DMBT1: variants seen among roughly 807,000 people sequenced by gnomAD.
DMBT1 encodes scavenger receptor cysteine-rich domain-containing protein DMBT1.
A neutral mutation model predicts 252.9 loss-of-function variants in DMBT1; 198 were observed. That is an observed-to-expected ratio of 0.78 (90% CI 0.70 to 0.88). The LOEUF is 0.88. Among genes scored for constraint, DMBT1 ranks in the 40% least tolerant of loss-of-function variants. The pLI is 0.00. For missense variants in DMBT1, 2,432 were observed against 2,404.7 expected (o/e 1.01, Z -0.24); for synonymous variants, 990 against 942.7 (o/e 1.05, Z -0.92).
Position 122,584,500 on chromosome 10 carries a change from C to T in DMBT1, c.1420+149C>T, listed in dbSNP as rs925962695. On this transcript the variant is annotated intron_variant, in intron 14 of 55. Coordinates refer to ENST00000338354, the MANE Select transcript of DMBT1 (RefSeq NM_001377530.1). ...CTCTGTAACTGAGACCCTGGAATGG[C>T]GCTTCTGAACCAGACATAGGGTTCA... 1.8e-4 allele frequency: 85 copies of T among 460,054 alleles called. 5 individuals carry two copies. The highest frequency in any genetic ancestry group is 1.8e-3 in the South Asian group (60 of 34,034). 28.5% of individuals were successfully genotyped at this position (460,054 alleles called of 1,614,324 possible).
chr10:122,566,835 C>T (rs78739566), intron 2 of DMBT1, among the ~76,000 whole-genome samples: 8,737 of 152,186 alleles, frequency 0.057, 781 homozygotes, highest in African/African-American at 0.19. Flanking sequence ...GTAAGTAATA[C>T]GATTATACCC....
chr10:122,564,486 C>G (rs1298982684), intron 1 of DMBT1, among the ~76,000 whole-genome samples: 1 of 146,500 alleles, frequency 6.8e-6, no homozygotes, highest in Non-Finnish European at 1.5e-5. Flanking sequence ...CTTAATCCTC[C>G]TTTTACCAGG....
At chr10:122,634,684 A>T (rs2098211978) in intron 52 of DMBT1, among the ~76,000 whole-genome samples, 1 of 151,824 alleles carries the variant, frequency 6.6e-6, no homozygotes, top group Non-Finnish European at 1.5e-5. Flanking sequence ...TTTATTAGAG[A>T]CGGGGTTTCA....
At chr10:122,620,119 G>A in intron 42 of DMBT1, 134 bp from the exon 43 acceptor site, 1 of 897,678 alleles carries the variant, frequency 1.1e-6, no homozygotes, top group South Asian at 1.4e-5. Context: ...TGAAGACTTG[G>A]GTAGCACTTG....
In DMBT1 at chr10:122,573,224, C is replaced by T. The variant is rs191561003; in HGVS notation, c.236-491C>T. Among the ~76,000 whole-genome samples the T allele has an allele frequency of 8.1e-4, 123 of 152,332 alleles. 3 individuals are homozygous for T. In the East Asian group the frequency reaches 0.018, roughly 22 times the overall value. On this transcript the variant is annotated intron_variant, in intron 5 of 55. Coordinates refer to ENST00000338354, the MANE Select transcript of DMBT1 (RefSeq NM_001377530.1). ...TCCAACCACCAAGTGGGACTGGGCT[C>T]CCCAAGGGGGCATCGTCCTCCATGC...
chr10:122,574,497 G>T (rs2981807), intron 6 of DMBT1, among the ~76,000 whole-genome samples: 1 of 151,920 alleles, frequency 6.6e-6, no homozygotes, highest in Non-Finnish European at 1.5e-5. Context: ...TCCTCAGGTC[G>T]TCTTCTTTCT....
Position 122,589,115 on chromosome 10 carries a change from C to G in DMBT1, c.1955C>G (p.Pro652Arg). 1 of 1,588,532 alleles carries G rather than the reference C, an allele frequency of 6.3e-7. No individual in the cohort carries two copies. Among genetic ancestry groups the G allele is most frequent in the South Asian group, 1.2e-5 (1 of 86,908 alleles). ...GGCTGTGGCTGGGCCACGTCAGCCC[C>G]AGGAAATGCCCGGTTTGGTCAGGGC... ...QLGCGWATSA[P>R]GNARFGQGSG... is the part of the protein sequence containing the mutation. Residue 652 changes from proline to arginine, a missense_variant, in exon 17 of 56, where the codon CCA (proline) becomes CGA (arginine). Around this residue, in one of 3 missense-constraint regions of DMBT1, gnomAD observed 1,264 missense variants for 1,082.2 expected, o/e 1.17. Transcript: ENST00000338354.
chr10:122,618,295 T>G lies in DMBT1; in HGVS notation c.5170T>G (p.Ser1724Ala). 6.2e-7 allele frequency: 1 copy of G among 1,613,842 alleles called. No homozygotes were observed. The highest frequency in any genetic ancestry group is 8.5e-7 in the Non-Finnish European group (1 of 1,179,786). The change falls in exon 41 of 56, where the codon TCC becomes GCC. Residue 1724 changes from serine (S) to alanine (A), a missense_variant. By Grantham distance (99) the Ser-to-Ala change is moderately conservative. Around this residue, in one of 3 missense-constraint regions of DMBT1, gnomAD observed 1,162 missense variants for 1,169.0 expected, o/e 0.99. Transcript: ENST00000338354. ...LWSCPHNGWLSHNCGHHEDAG... is the reference protein window; with the variant it reads ...LWSCPHNGWLAHNCGHHEDAG... ...GAGCTGCCCCCACAATGGCTGGCTC[T>G]CCCACAACTGTGGCCATCATGAAGA...
At chr10:122,585,171 G>A (rs2097778716) in intron 14 of DMBT1, 100 bp from the exon 15 acceptor site, 4 of 1,423,550 alleles carry the variant, frequency 2.8e-6, no homozygotes, top group East Asian at 2.5e-5. Flanking sequence ...AATCAGAAGT[G>A]GGGTAGTTTT....
In DMBT1 at chr10:122,589,050, C is replaced by A. The variant is rs1320198966; in HGVS notation, c.1890C>A (p.Ser630Arg). Reference sequence around the variant, plus strand: ...CTTGGGGCACCGTGTGTGATGACAGCTGGGACACCAATGATGCCAATGTGG... The same window carrying A: ...CTTGGGGCACCGTGTGTGATGACAGATGGGACACCAATGATGCCAATGTGG... Reference protein sequence around the residue: ...RGSWGTVCDDSWDTNDANVVC... With the variant: ...RGSWGTVCDDRWDTNDANVVC... Residue 630 changes from serine (S) to arginine (R), a missense_variant, in exon 17 of 56, where the codon AGC becomes AGA. Physicochemically the swap from Ser to Arg is moderately radical, Grantham distance 110. Transcript: ENST00000338354. 6.3e-7 allele frequency: 1 copy of A among 1,588,896 alleles called. No homozygotes were observed. The highest frequency in any genetic ancestry group is 8.6e-7 in the Non-Finnish European group (1 of 1,165,976).
At chr10:122,566,669 A>C (rs2097596213) in intron 2 of DMBT1, among the ~76,000 whole-genome samples, 1 of 152,146 alleles carries the variant, frequency 6.6e-6, no homozygotes, top group Non-Finnish European at 1.5e-5. Flanking sequence ...TCTACCAAGC[A>C]CTTGTTATAT....
chr10:122,642,983 G>A (rs1844841311), intron 55 of DMBT1, 139 bp from the exon 56 acceptor site: 19 of 1,177,914 alleles, frequency 1.6e-5, no homozygotes, highest in East Asian at 7.1e-5. Flanking sequence ...TGATCCACAC[G>A]TTCTGACAGA....
At chr10:122,637,884 GC>G (rs2133694714) in intron 54 of DMBT1, among the ~76,000 whole-genome samples, 1 of 152,240 alleles carries the variant, frequency 6.6e-6, no homozygotes, top group African/African-American at 2.4e-5. Flanking sequence ...ATCTAAGATG[GC>G]CCCCTGCATC....
Position 122,585,316 on chromosome 10 carries a change from A to T in DMBT1, c.1459+7A>T, listed in dbSNP as rs187566620. 4.4e-4 allele frequency: 690 copies of T among 1,585,516 alleles called. 62 individuals carry two copies. The African/African-American group carries it at 5.6e-3, about 13-fold the overall frequency. On this transcript the variant is annotated splice_region_variant and intron_variant, in intron 15 of 55. Coordinates refer to ENST00000338354, the MANE Select transcript of DMBT1 (RefSeq NM_001377530.1). ...TTACCTGCATCGACAGTAGGTAAAT[A>T]ATCCTCTCGCCCCTCCCTAGGGCTC...
At position 122,591,490 on chromosome 10, in the gene DMBT1, A is replaced by T. The variant is rs747139766; in HGVS notation, c.2149A>T (p.Thr717Ser). Residue 717 changes from threonine to serine, a missense_variant, in exon 19 of 56, where the codon ACC (threonine) becomes TCC (serine). Transcript: ENST00000338354. ...RSTPRPDTLSTITLPPSTVGS... is the reference protein window; with the variant it reads ...RSTPRPDTLSSITLPPSTVGS... ...GTTGCAATTTACAGACACGTTGTCG[A>T]CCATCACGTTACCTCCATCGACAGT... 8 of 1,587,650 alleles carry T rather than the reference A, an allele frequency of 5.0e-6. 1 individual carries two copies. The South Asian group carries it at 9.2e-5, about 18-fold the overall frequency.
intron 8 of DMBT1, 111 bp from the exon 9 acceptor site, chr10:122,578,607 C>A (rs983853366): frequency 3.2e-6 from 3 of 942,326 alleles, no homozygotes; most frequent in Non-Finnish European, 5.0e-6. Flanking sequence ...AGTGGCCAGA[C>A]CTTCGAGTGG....
At position 122,631,036 on chromosome 10, in the gene DMBT1, G is replaced by T; in HGVS notation, c.6101G>T (p.Gly2034Val). 1 of 1,613,574 alleles carries T rather than the reference G, an allele frequency of 6.2e-7. No homozygotes were observed. The highest frequency in any genetic ancestry group is 2.2e-5 in the East Asian group (1 of 44,862). ...GGGCGTGTAGAAATTTACCATGGTGGCACCTGGGGGACAGTTTGTGATGAC... is the reference window on the plus strand; with the variant it reads ...GGGCGTGTAGAAATTTACCATGGTGTCACCTGGGGGACAGTTTGTGATGAC... ...CAGRVEIYHGGTWGTVCDDSW... is the reference protein window; with the variant it reads ...CAGRVEIYHGVTWGTVCDDSW... The change falls in exon 49 of 56, where the codon GGC (glycine) becomes GTC (valine). Residue 2034 changes from glycine to valine, a missense_variant. Physicochemically the swap from Gly to Val is moderately radical, Grantham distance 109. Around this residue, in one of 3 missense-constraint regions of DMBT1, gnomAD observed 1,162 missense variants for 1,169.0 expected, o/e 0.99. Coordinates refer to ENST00000338354, the MANE Select transcript of DMBT1 (RefSeq NM_001377530.1).
Position 122,643,364 on chromosome 10 carries a change from A to T in DMBT1, c.7595A>T (p.Gln2532Leu). 1.9e-6 allele frequency: 3 copies of T among 1,613,850 alleles called. No individual in the cohort carries two copies. The highest frequency in any genetic ancestry group is 2.5e-6 in the Non-Finnish European group (3 of 1,179,842). ...GTCGTCCTGGGTCCCATCCAGCTGC[A>T]GACCCCCCCACGCCGAGAAGAGGAG... ...VDVVLGPIQL[Q>L]TPPRREEEPR Residue 2532 changes from glutamine to leucine, a missense_variant, in exon 56 of 56, where the codon CAG becomes CTG. By Grantham distance (113) the Gln-to-Leu change is moderately radical (BLOSUM62 -2). This residue lies in a region of DMBT1 where 1,162 missense variants were observed against 1,169.0 expected (regional missense o/e 0.99). Transcript: ENST00000338354.
chr10:122,620,668 C>A (rs543411666), intron 43 of DMBT1, among the ~76,000 whole-genome samples: 1 of 152,228 alleles, frequency 6.6e-6, no homozygotes, highest in Non-Finnish European at 1.5e-5. Context: ...TCCTACCATT[C>A]CTGGCACTTT....
Sources: allele counts gnomAD v4.1 joint callset (sites outside exome capture counted in the v4.1 genomes callset), GRCh38; gene constraint gnomAD v4.1.1; regional missense constraint gnomAD v4.1.1; transcripts MANE v1.5; gene names NCBI Gene and HGNC (gene_info 2026-07-23, HGNC 2026-07-21).